The following LRRTM4 variants were observed in gnomAD, a reference collection of about 807,000 sequenced individuals.
LRRTM4 encodes leucine rich repeat transmembrane neuronal 4.
A neutral mutation model predicts 47.6 loss-of-function variants in LRRTM4; 25 were observed. The observed-to-expected ratio is 0.53, with a 90% CI of 0.38 to 0.73. The LOEUF (loss-of-function observed/expected upper bound fraction) is 0.73. LRRTM4 is among the 30% of genes least tolerant of loss of function. LRRTM4 has a pLI of 0.00. For synonymous variants in LRRTM4, 311 were observed against 269.5 expected, an observed-to-expected ratio of 1.15 and a Z score of -1.51; for missense variants, 638 against 713.4, an observed-to-expected ratio of 0.89 and a Z score of 1.20.
At chr2:77,239,989 A>C (rs970717545) in intron 3 of LRRTM4, among the ~76,000 whole-genome samples, 1 of 151,900 alleles carries the variant, frequency 6.6e-6, no homozygotes, top group African/African-American at 2.4e-5. Flanking sequence ...AGTTTTTTCA[A>C]GTGCATGCAC....
chr2:77,124,011 C>T (rs1558591661), intron 3 of LRRTM4, among the ~76,000 whole-genome samples: 1 of 152,078 alleles, frequency 6.6e-6, no homozygotes. Flanking sequence ...CTAATGTAGA[C>T]AGCGTAAGAA....
At chr2:77,437,541 T>C (rs368790907) in intron 3 of LRRTM4, among the ~76,000 whole-genome samples, 1 of 152,076 alleles carries the variant, frequency 6.6e-6, no homozygotes, top group African/African-American at 2.4e-5. Flanking sequence ...TCTCATTGAA[T>C]TGGAATAAAA....
chr2:77,204,815 G>A (rs924394791), intron 3 of LRRTM4, among the ~76,000 whole-genome samples: 11 of 152,102 alleles, frequency 7.2e-5, no homozygotes, highest in African/African-American at 2.7e-4. Flanking sequence ...ATAAATACTC[G>A]CTGGATAAAT....
chr2:76,781,451 T>A (rs1289342881), intron 3 of LRRTM4, among the ~76,000 whole-genome samples: 1 of 152,238 alleles, frequency 6.6e-6, no homozygotes, highest in African/African-American at 2.4e-5. Flanking sequence ...CATATAATCT[T>A]GTGGTGGGCC....
chr2:77,464,179 G>A (rs942150408), intron 3 of LRRTM4, among the ~76,000 whole-genome samples: 1 of 152,044 alleles, frequency 6.6e-6, no homozygotes, highest in African/African-American at 2.4e-5. Context: ...GAGAGCACAT[G>A]CCAGTTATAG....
intron 3 of LRRTM4, among the ~76,000 whole-genome samples, chr2:76,925,578 C>A (rs900085055): frequency 2.0e-5 from 3 of 152,168 alleles, no homozygotes; most frequent in Non-Finnish European, 4.4e-5. Flanking sequence ...TATCCACAAA[C>A]AAGCTTCAGG....
intron 3 of LRRTM4, among the ~76,000 whole-genome samples, chr2:77,092,932 C>T (rs4334517): frequency 0.36 from 51,549 of 143,958 alleles, 11,667 homozygotes; most frequent in East Asian, 0.63. Context: ...GCTCAGCCAC[C>T]AACTTAAAAA....
At chr2:76,795,958 G>A (rs1415612799) in intron 3 of LRRTM4, among the ~76,000 whole-genome samples, 24 of 150,666 alleles carry the variant, frequency 1.6e-4, no homozygotes, top group East Asian at 8.1e-4. Flanking sequence ...GTGGGTGCGC[G>A]CACCATGTGC....
At chr2:76,979,845 T>C (rs2103963528) in intron 3 of LRRTM4, among the ~76,000 whole-genome samples, 1 of 152,100 alleles carries the variant, frequency 6.6e-6, no homozygotes, top group Non-Finnish European at 1.5e-5. Context: ...GATTCCTATC[T>C]GGTTTCCTGC....
At chr2:77,061,261 G>A (rs1261323132) in intron 3 of LRRTM4, among the ~76,000 whole-genome samples, 2 of 151,928 alleles carry the variant, frequency 1.3e-5, no homozygotes, top group East Asian at 1.9e-4. Context: ...GTTTATACTT[G>A]GCCAATCTTG....
intron 3 of LRRTM4, among the ~76,000 whole-genome samples, chr2:77,512,521 C>G (rs1461924239): frequency 6.6e-6 from 1 of 152,090 alleles, no homozygotes; most frequent in Non-Finnish European, 1.5e-5. Context: ...GATCAAAAGA[C>G]ATACTGGTTT....
chr2:77,365,590 A>G (rs1672410764), intron 3 of LRRTM4, among the ~76,000 whole-genome samples: 1 of 151,862 alleles, frequency 6.6e-6, no homozygotes, highest in South Asian at 2.1e-4. Flanking sequence ...CAATATATAA[A>G]TACAAATATT....
intron 3 of LRRTM4, among the ~76,000 whole-genome samples, chr2:77,310,215 T>A (rs1677413945): frequency 6.6e-6 from 1 of 152,130 alleles, no homozygotes; most frequent in African/African-American, 2.4e-5. Flanking sequence ...ACAAATACCA[T>A]AATGTTGACA....
At chr2:76,764,590 T>C (rs1025187935) in intron 3 of LRRTM4, among the ~76,000 whole-genome samples, 15 of 152,008 alleles carry the variant, frequency 9.9e-5, no homozygotes, top group African/African-American at 3.4e-4. Context: ...GTGATAGAAC[T>C]ACTACACTCC....
chr2:76,788,147 T>C (rs1237696518), intron 3 of LRRTM4, among the ~76,000 whole-genome samples: 2 of 152,150 alleles, frequency 1.3e-5, no homozygotes, highest in Non-Finnish European at 1.5e-5. Context: ...GGTCAGTCTG[T>C]AGTAGGAGAA....
At chr2:77,506,716 TG>T (rs1678790556) in intron 3 of LRRTM4, among the ~76,000 whole-genome samples, 1 of 151,956 alleles carries the variant, frequency 6.6e-6, no homozygotes, top group Non-Finnish European at 1.5e-5. Context: ...TTATTCTTTC[TG>T]GCCACTTATT....
intron 3 of LRRTM4, among the ~76,000 whole-genome samples, chr2:77,316,806 A>G (rs1677631755): frequency 6.6e-6 from 1 of 152,160 alleles, no homozygotes; most frequent in African/African-American, 2.4e-5. Context: ...TTGGCCTCTC[A>G]AAACGATGAG....
At chr2:77,119,065 C>G (rs561616549) in intron 3 of LRRTM4, among the ~76,000 whole-genome samples, 29 of 151,828 alleles carry the variant, frequency 1.9e-4, no homozygotes, top group African/African-American at 7.0e-4. Context: ...TTGTGTATAT[C>G]CAGCCAATTT....
chr2:77,016,625 T>C (rs1257604999), intron 3 of LRRTM4, among the ~76,000 whole-genome samples: 2 of 152,062 alleles, frequency 1.3e-5, no homozygotes, highest in Non-Finnish European at 2.9e-5. Flanking sequence ...TAGGTACCTA[T>C]TTCTGAAACA....
Sources: gnomAD v4.1 joint callset for allele counts (sites outside exome capture counted in the v4.1 genomes callset) on GRCh38, gnomAD v4.1.1 for gene constraint, MANE v1.5 for transcripts, NCBI Gene and HGNC (gene_info 2026-07-23, HGNC 2026-07-21) for gene names.